Variants in RNF20 observed in about 807,000 individuals in gnomAD.
RNF20 encodes ring finger protein 20, also known as E3 ubiquitin-protein ligase BRE1A.
Under a neutral mutation model 126.2 loss-of-function variants are expected in RNF20, and 84 were observed. That is an observed-to-expected ratio of 0.67 (90% CI 0.56 to 0.80). The LOEUF is 0.80. Among genes scored for constraint, RNF20 ranks in the 30% least tolerant of loss-of-function variants. The probability of loss-of-function intolerance (pLI) is 0.00; values close to 1 mark genes in which losing one functional copy is unlikely to be tolerated. For synonymous variants in RNF20, 400 were observed against 414.3 expected (o/e 0.97, Z 0.42); for missense variants, 869 against 1,188.2 (o/e 0.73, Z 3.95).
chr9:101,552,006 C>T, intron 11 of RNF20, 135 bp from the exon 12 acceptor site: 3 of 1,356,424 alleles, frequency 2.2e-6, no homozygotes, highest in Non-Finnish European at 3.0e-6. Flanking sequence ...GTTTTGTTTT[C>T]ATCTTCTGAG....
chr9:101,547,560 G>A, intron 9 of RNF20, 42 bp downstream of exon 9: 1 of 1,611,084 alleles, frequency 6.2e-7, no homozygotes, highest in South Asian at 1.1e-5. Context: ...CAGACGTTCT[G>A]CTGATCAACT....
intron 16 of RNF20, among the ~76,000 whole-genome samples, chr9:101,560,034 G>A (rs922584544): frequency 6.6e-6 from 1 of 152,076 alleles, no homozygotes; most frequent in Non-Finnish European, 1.5e-5. Context: ...GTTGGCTGTG[G>A]GATTGTCATA....
Position 101,540,292 on chromosome 9 carries a change from T to G in RNF20, c.219T>G (p.Arg73=). 1.9e-6 allele frequency: 3 copies of G among 1,614,172 alleles called. No homozygotes were observed. Among genetic ancestry groups the G allele is most frequent in the Non-Finnish European group, 2.5e-6 (3 of 1,180,022 alleles). ...DQRQAIEDEL[R]EHIEKLERRQ... Reference sequence around the variant, plus strand: ...GGCAGGCCATTGAAGATGAACTTCGTGAGCACATTGAAAAACTGGAACGAC... The same window carrying G: ...GGCAGGCCATTGAAGATGAACTTCGGGAGCACATTGAAAAACTGGAACGAC... Residue 73 remains arginine (R), a synonymous_variant, in exon 3 of 20, where the codon CGT becomes CGG. Transcript: ENST00000389120.
Position 101,553,927 on chromosome 9 carries a change from G to T in RNF20, c.1902-61G>T, listed in dbSNP as rs1827488637. Reference sequence around the variant, plus strand: ...TATTCTGCTCAATCAAAATTCCCTTGCTCTGATGACCTTTATTTTCTTATT... The same window carrying T: ...TATTCTGCTCAATCAAAATTCCCTTTCTCTGATGACCTTTATTTTCTTATT... On this transcript the variant is annotated intron_variant, in intron 13 of 19. Transcript: ENST00000389120. 1.8e-5 allele frequency: 16 copies of T among 897,250 alleles called. No homozygotes were observed. The South Asian group carries it at 2.4e-4, about 13-fold the overall frequency. The allele number at this position is 897,250 out of a possible 1,614,324, so 55.6% of individuals were successfully genotyped here.
At chr9:101,541,664 TATTTA>T (rs1051629490) in intron 5 of RNF20, among the ~76,000 whole-genome samples, 1 of 152,016 alleles carries the variant, frequency 6.6e-6, no homozygotes, top group Non-Finnish European at 1.5e-5. Context: ...ACAACTATAT[TATTTA>T]ATTATTAGTT....
Position 101,560,933 on chromosome 9 carries a change from T to C in RNF20, c.2508+7T>C, listed in dbSNP as rs544666433. On this transcript the variant is annotated splice_region_variant and intron_variant, in intron 17 of 19. Transcript: ENST00000389120. ...AGAGATGAATAAACGCAAGGTATGA[T>C]TGATTAATCTAATGATGGTTAGTCT... is the stretch of plus-strand genomic sequence containing the variant. 2 of 1,608,342 alleles carry C rather than the reference T, an allele frequency of 1.2e-6. No homozygotes were observed. Among genetic ancestry groups the C allele is most frequent in the African/African-American group, 2.7e-5 (2 of 74,652 alleles).
Position 101,553,306 on chromosome 9 carries a change from A to AC in RNF20, c.1901+555dup, listed in dbSNP as rs1456477236. ...TATGCATTGGCCCTTCTCCTGTATA[A>AC]CCAATAACTTCTCTGGCAGAACGGC... On this transcript the variant is annotated intron_variant, in intron 13 of 19. Coordinates refer to ENST00000389120, the MANE Select transcript of RNF20 (RefSeq NM_019592.7). 3.3e-5 allele frequency among the ~76,000 whole-genome samples: 5 copies of AC among 152,264 alleles called. No homozygotes were observed. In the South Asian group the frequency reaches 1.0e-3, roughly 32 times the overall value.
chr9:101,552,796 A>ACTTTTGGTGGGATTGTTTGTTTTGTTCTT, intron 13 of RNF20, 43 bp downstream of exon 13: 2 of 1,529,864 alleles, frequency 1.3e-6, no homozygotes, highest in Non-Finnish European at 1.8e-6. Context: ...TGAAAAGCTA[A>ACTTTTGGTGGGATTGTTTGTTTTGTTCTT]GATTAAGACA....
rs1827552919 is a variant in RNF20, at chr9:101,557,488, T to C, written c.2274T>C (p.Asp758=). 1 of 1,614,028 alleles carries C rather than the reference T, an allele frequency of 6.2e-7. No homozygotes were observed. Among genetic ancestry groups the C allele is most frequent in the Non-Finnish European group, 8.5e-7 (1 of 1,179,932 alleles). ...TGCAGCAATTGCGGGAGAAGGATGA[T>C]GCAAATTTCAAGCTCATGTCAGAGC... ...RLMQQLREKD[D]ANFKLMSERI... is the part of the protein sequence containing the mutation. The change falls in exon 16 of 20, where the codon GAT becomes GAC. Residue 758 remains aspartate (D), a synonymous_variant. Transcript: ENST00000389120.
chr9:101,547,878 G>A (rs1185101794), intron 9 of RNF20, among the ~76,000 whole-genome samples: 1 of 152,132 alleles, frequency 6.6e-6, no homozygotes, highest in East Asian at 1.9e-4. Context: ...AGGTAAAGTT[G>A]TTTCTGTTTA....
At chr9:101,558,396 G>A (rs189987123) in intron 16 of RNF20, among the ~76,000 whole-genome samples, 6 of 151,910 alleles carry the variant, frequency 3.9e-5, no homozygotes, top group Non-Finnish European at 4.4e-5. Flanking sequence ...ATTCCATGGC[G>A]TGACTTTTCC....
rs533458931 is a variant in RNF20 at position 101,540,009 on chromosome 9, A to T, written c.130-194A>T. Among the ~76,000 whole-genome samples the T allele has an allele frequency of 4.4e-4, 67 of 152,288 alleles. 1 individual carries two copies. Among genetic ancestry groups the T allele is most frequent in the African/African-American group, 1.5e-3 (64 of 41,564 alleles). ...AGGTTCTGGTGTATTTGTGTGTATT[A>T]TTCTTTCCTCACACCATCATATACC... On this transcript the variant is annotated intron_variant, in intron 2 of 19. Coordinates refer to ENST00000389120, the MANE Select transcript of RNF20 (RefSeq NM_019592.7).
rs1827245664 is a variant in RNF20, at chr9:101,540,597, C to T, written c.405C>T (p.Asp135=). 6.2e-7 allele frequency: 1 copy of T among 1,613,996 alleles called. No homozygotes were observed. Among genetic ancestry groups the T allele is most frequent in the African/African-American group, 1.3e-5 (1 of 74,906 alleles). The change falls in exon 4 of 20, where the codon GAC becomes GAT. Residue 135 remains aspartate, a synonymous_variant. Transcript: ENST00000389120. The part of the protein sequence containing the change: ...KALVVPEPEP[D]SDSNQERKDD... Reference sequence around the variant, plus strand: ...TTGTTGTGCCTGAACCAGAACCAGACTCTGATAGCAATCAGGAGCGTAAAG... The same window carrying T: ...TTGTTGTGCCTGAACCAGAACCAGATTCTGATAGCAATCAGGAGCGTAAAG...
intron 13 of RNF20, 26 bp from the exon 14 acceptor site, chr9:101,553,962 C>G (rs1388039774): frequency 7.8e-7 from 1 of 1,289,146 alleles, no homozygotes; most frequent in South Asian, 1.2e-5. Flanking sequence ...TACATTGTTC[C>G]CCTCCCTCTA....
In RNF20 at chr9:101,552,849, GT is replaced by G. The variant is rs1827472264; in HGVS notation, c.1901+100del. 6 of 1,192,650 alleles carry G rather than the reference GT, an allele frequency of 5.0e-6. No individual in the cohort carries two copies. The Admixed American group carries it at 1.1e-4, about 22-fold the overall frequency. The allele number at this position is 1,192,650 out of a possible 1,614,324, so 73.9% of individuals were successfully genotyped here. A position where few individuals can be genotyped will look rare whatever the true frequency, so the allele number is the denominator to read the frequency against. The stretch of plus-strand genomic sequence containing the variant: ...GGTTGATGGCATGGCTTGTCTGATC[GT>G]TTTAATGTTTTAGATTGTACAATTA... On this transcript the variant is annotated intron_variant, in intron 13 of 19. Transcript: ENST00000389120.
At chr9:101,556,950 A>G (rs987661815) in intron 15 of RNF20, among the ~76,000 whole-genome samples, 5 of 152,326 alleles carry the variant, frequency 3.3e-5, no homozygotes, top group Admixed American at 2.6e-4. Flanking sequence ...ATAGATATAA[A>G]GTAAAGCTAT....
rs1303720564 is a variant in RNF20, at chr9:101,546,951, A to C, written c.879A>C (p.Ala293=). 1 of 1,614,166 alleles carries C rather than the reference A, an allele frequency of 6.2e-7. No homozygotes were observed. The highest frequency in any genetic ancestry group is 1.7e-5 in the Admixed American group (1 of 60,020). ...AACAGCGACTCAACCGACACTTAGC[A>C]GAAGTCCTAGAACGGGTCAGTGCTG... The part of the protein sequence containing the change: ...KREQRLNRHL[A]EVLERVNSKG... Residue 293 remains alanine, a synonymous_variant, in exon 7 of 20, where the codon GCA becomes GCC. Coordinates refer to ENST00000389120, the MANE Select transcript of RNF20 (RefSeq NM_019592.7).
chr9:101,548,162 T>A (rs763142710), intron 9 of RNF20, among the ~76,000 whole-genome samples: 4 of 152,042 alleles, frequency 2.6e-5, no homozygotes, highest in Non-Finnish European at 5.9e-5. Context: ...TGTATGTGAG[T>A]GTGTGTGTGT....
At chr9:101,544,735 T>C in intron 5 of RNF20, 32 bp from the exon 6 acceptor site, 1 of 1,380,972 alleles carries the variant, frequency 7.2e-7, no homozygotes, top group Non-Finnish European at 1.0e-6. Context: ...ACACTCTAGA[T>C]GCTAAATTAA....
Sources: gnomAD v4.1 joint callset for allele counts (sites outside exome capture counted in the v4.1 genomes callset) on GRCh38, gnomAD v4.1.1 for gene constraint, MANE v1.5 for transcripts, NCBI Gene and HGNC (gene_info 2026-07-23, HGNC 2026-07-21) for gene names.